The following GAS2 variants were observed in gnomAD, a reference collection of about 807,000 sequenced individuals.
GAS2 encodes the protein growth arrest-specific protein 2.
GAS2 carries 20 observed loss-of-function variants against 37.5 expected under a neutral mutation model. The observed-to-expected ratio is 0.53, with a 90% CI of 0.37 to 0.77. The LOEUF (loss-of-function observed/expected upper bound fraction) is 0.77. Ranked by LOEUF, GAS2 falls within the 30% of genes least tolerant of loss-of-function variation. GAS2 has a pLI of 0.00. For synonymous variants in GAS2, 144 were observed against 132.2 expected, an observed-to-expected ratio of 1.09 and a Z score of -0.61; for missense variants, 336 against 373.4, an observed-to-expected ratio of 0.90 and a Z score of 0.82.
chr11:22,714,009 T>C (rs1851542485), intron 3 of GAS2, among the ~76,000 whole-genome samples: 2 of 152,104 alleles, frequency 1.3e-5, no homozygotes, highest in Admixed American at 6.6e-5. Context: ...GCATGATGAA[T>C]AGAACACTAC....
upstream of GAS2, among the ~76,000 whole-genome samples, chr11:22,664,329 G>GAA (rs79003290): frequency 6.6e-6 from 1 of 151,974 alleles, no homozygotes; most frequent in African/African-American, 2.4e-5. Context: ...ACATAGGAGG[G>GAA]AAAAATAACG....
intron 2 of GAS2, among the ~76,000 whole-genome samples, chr11:22,684,446 T>C (rs1849842901): frequency 6.6e-6 from 1 of 152,150 alleles, no homozygotes; most frequent in Admixed American, 6.5e-5. Flanking sequence ...TTTATTAAGG[T>C]TATGGCATGA....
intron 1 of GAS2, among the ~76,000 whole-genome samples, chr11:22,635,831 T>C (rs1590552906): frequency 6.6e-6 from 1 of 152,304 alleles, no homozygotes; most frequent in East Asian, 1.9e-4. Context: ...TGCTGCTCCT[T>C]CTCATATACT....
intron 1 of GAS2, among the ~76,000 whole-genome samples, chr11:22,671,236 G>A (rs1227215734): frequency 1.3e-5 from 2 of 151,942 alleles, no homozygotes; most frequent in African/African-American, 2.4e-5. Context: ...TACACACACA[G>A]TCTTTGAAGG....
intron 1 of GAS2, among the ~76,000 whole-genome samples, chr11:22,653,223 G>T (rs1848817025): frequency 6.6e-6 from 1 of 151,448 alleles, no homozygotes; most frequent in Non-Finnish European, 1.5e-5. Context: ...CATCGACATT[G>T]CAGAATACAA....
At chr11:22,718,381 G>A (rs908680269) in intron 3 of GAS2, among the ~76,000 whole-genome samples, 33 of 152,052 alleles carry the variant, frequency 2.2e-4, no homozygotes, top group East Asian at 1.2e-3. Context: ...AATAGAGTTC[G>A]AGACCATTAT....
chr11:22,704,621 A>G (rs1299620657), intron 3 of GAS2, among the ~76,000 whole-genome samples: 2 of 141,304 alleles, frequency 1.4e-5, no homozygotes, highest in East Asian at 2.2e-4. Context: ...ATATATATAT[A>G]TATTTTGCTC....
chr11:22,786,965 G>T (rs1855847491), intron 7 of GAS2, among the ~76,000 whole-genome samples: 1 of 152,058 alleles, frequency 6.6e-6, no homozygotes, highest in Non-Finnish European at 1.5e-5. Flanking sequence ...AAGAAATTCT[G>T]ATTTCATTTG....
At chr11:22,691,258 C>T (rs1850234454) in intron 3 of GAS2, among the ~76,000 whole-genome samples, 1 of 152,176 alleles carries the variant, frequency 6.6e-6, no homozygotes. Flanking sequence ...GCCTACAATA[C>T]ATTTGCCCAT....
chr11:22,698,810 A>G (rs1850677694), intron 3 of GAS2, among the ~76,000 whole-genome samples: 1 of 152,194 alleles, frequency 6.6e-6, no homozygotes, highest in Admixed American at 6.6e-5. Flanking sequence ...AAACAAGAAT[A>G]TTTAAGAAAA....
At chr11:22,764,701 CTAATT>C (rs1854592901) in intron 7 of GAS2, among the ~76,000 whole-genome samples, 1 of 151,900 alleles carries the variant, frequency 6.6e-6, no homozygotes, top group South Asian at 2.1e-4. Context: ...TTTCTATATT[CTAATT>C]TAAGTTAGAG....
At chr11:22,681,017 A>G (rs78861971) in intron 2 of GAS2, among the ~76,000 whole-genome samples, 3,125 of 152,334 alleles carry the variant, frequency 0.021, 116 homozygotes, top group African/African-American at 0.071. Context: ...GAATACATGT[A>G]AAATGCTTAG....
intron 1 of GAS2, among the ~76,000 whole-genome samples, chr11:22,634,304 C>T (rs1489397612): frequency 6.6e-6 from 1 of 152,124 alleles, no homozygotes; most frequent in African/African-American, 2.4e-5. Flanking sequence ...CACTGGGTTC[C>T]TCCCACAACA....
chr11:22,742,094 C>T (rs74565286), intron 5 of GAS2, among the ~76,000 whole-genome samples: 2,098 of 152,006 alleles, frequency 0.014, 56 homozygotes, highest in African/African-American at 0.048. Context: ...AGTCATTAAC[C>T]ATAAGACCTG....
At chr11:22,694,586 T>C in intron 3 of GAS2, among the ~76,000 whole-genome samples, 1 of 152,232 alleles carries the variant, frequency 6.6e-6, no homozygotes, top group Non-Finnish European at 1.5e-5. Flanking sequence ...GAATTTTTTC[T>C]TGAAGTTCTA....
At chr11:22,761,693 C>T (rs1854399597) in intron 7 of GAS2, among the ~76,000 whole-genome samples, 1 of 152,068 alleles carries the variant, frequency 6.6e-6, no homozygotes, top group Admixed American at 6.5e-5. Context: ...TAGCCTGTAT[C>T]AGAACACTTG....
intron 7 of GAS2, among the ~76,000 whole-genome samples, chr11:22,756,842 C>T (rs758882230): frequency 3.3e-5 from 5 of 152,064 alleles, no homozygotes; most frequent in Non-Finnish European, 5.9e-5. Context: ...TGAGACAGAT[C>T]TGCGTAGATG....
intron 2 of GAS2, among the ~76,000 whole-genome samples, chr11:22,682,870 AAAAAAAAAAAAAAAAAGG>A (rs1241810930): frequency 6.2e-5 from 1 of 16,172 alleles, no homozygotes; most frequent in East Asian, 5.2e-3. Context: ...ACTTTCTGCT[AAAAAAAAAAAAAAAAAGG>A]AAAAAAAAAA....
At chr11:22,799,431 C>G (rs1215198843) in intron 7 of GAS2, among the ~76,000 whole-genome samples, 1 of 151,998 alleles carries the variant, frequency 6.6e-6, no homozygotes, top group East Asian at 1.9e-4. Flanking sequence ...GTACTTAATT[C>G]ACTATGGATT....
Sources: allele counts gnomAD v4.1 joint callset (sites outside exome capture counted in the v4.1 genomes callset), GRCh38; gene constraint gnomAD v4.1.1; transcripts MANE v1.5; gene names NCBI Gene and HGNC (gene_info 2026-07-23, HGNC 2026-07-21).